The following CLHC1 variants were observed in gnomAD, a reference collection of about 807,000 sequenced individuals.
The protein encoded by CLHC1 is clathrin heavy chain linker domain containing 1, also known as clathrin heavy chain linker domain-containing protein 1.
In CLHC1, 72 loss-of-function variants were observed where a neutral mutation model predicts 69.5. The observed-to-expected ratio is 1.04, with a 90% CI of 0.86 to 1.26. The LOEUF is 1.26. CLHC1 is among the 50% of genes most tolerant of loss of function. CLHC1 has a pLI of 0.00. For missense variants in CLHC1, 790 were observed against 679.3 expected (o/e 1.16, Z -1.81); for synonymous variants, 223 against 224.3 (o/e 0.99, Z 0.05).
rs1473645501 is a variant in CLHC1 at position 55,174,676 on chromosome 2, T to C, written c.*1114A>G. ...CTCCCCGTTCATCTTCTTTCCACTA[T>C]AACATAAAAATACATATTCAATTTA... is the stretch of plus-strand genomic sequence containing the variant. On this transcript the variant is annotated 3_prime_UTR_variant, in exon 13 of 13. Coordinates refer to ENST00000401408, the MANE Select transcript of CLHC1 (RefSeq NM_152385.4). The C allele has an allele frequency of 6.6e-6, 1 of 152,226 alleles. No individual in the cohort carries two copies. The highest frequency in any genetic ancestry group is 2.4e-5 in the African/African-American group (1 of 41,464). The allele number at this position is 152,226 out of a possible 1,614,324, so 9.4% of individuals were successfully genotyped here. A position where few individuals can be genotyped will look rare whatever the true frequency, so the allele number is the denominator to read the frequency against.
At chr2:55,229,907 C>T (rs1424010974) in intron 1 of CLHC1, among the ~76,000 whole-genome samples, 1 of 152,150 alleles carries the variant, frequency 6.6e-6, no homozygotes, top group Non-Finnish European at 1.5e-5. Context: ...AACCCTGTCT[C>T]TGCTAAAAAT....
intron 5 of CLHC1, among the ~76,000 whole-genome samples, chr2:55,210,414 T>A (rs550559141): frequency 4.1e-4 from 63 of 152,136 alleles, no homozygotes; most frequent in Middle Eastern, 3.4e-3. Context: ...CAGGCTGGTC[T>A]TGAACTCCTG....
At chr2:55,201,867 A>G (rs1279196038) in intron 9 of CLHC1, among the ~76,000 whole-genome samples, 3 of 152,224 alleles carry the variant, frequency 2.0e-5, no homozygotes. Flanking sequence ...TACACAAATG[A>G]ATCAATGTAA....
chr2:55,187,997 A>C (rs1670572731), intron 9 of CLHC1, among the ~76,000 whole-genome samples: 1 of 152,178 alleles, frequency 6.6e-6, no homozygotes, highest in African/African-American at 2.4e-5. Context: ...TAAGTACTTC[A>C]CAAAATGGGA....
chr2:55,229,136 G>A (rs1187335376), intron 1 of CLHC1, among the ~76,000 whole-genome samples: 1 of 127,858 alleles, frequency 7.8e-6, no homozygotes, highest in African/African-American at 3.1e-5. Context: ...GGGCGACAGA[G>A]GGAGATTCTG....
chr2:55,199,225 A>C (rs1457526165), intron 9 of CLHC1, among the ~76,000 whole-genome samples: 3 of 134,346 alleles, frequency 2.2e-5, no homozygotes, highest in Non-Finnish European at 4.6e-5. Flanking sequence ...TGAACCCAGG[A>C]GGTGGAGGTT....
intron 9 of CLHC1, among the ~76,000 whole-genome samples, chr2:55,193,087 T>C (rs1428670106): frequency 6.6e-6 from 1 of 151,818 alleles, no homozygotes; most frequent in East Asian, 1.9e-4. Flanking sequence ...AGAGACAGGG[T>C]TTCACCACTT....
At chr2:55,183,638 A>T (rs754905977) in intron 9 of CLHC1, among the ~76,000 whole-genome samples, 3 of 152,192 alleles carry the variant, frequency 2.0e-5, no homozygotes, top group Non-Finnish European at 4.4e-5. Flanking sequence ...ACTCTCAGAT[A>T]TACTGTATTG....
intron 2 of CLHC1, chr2:55,224,149 G>C: frequency 5.2e-6 from 1 of 192,368 alleles, no homozygotes. Context: ...TGCATTTGGG[G>C]TCACCCAGCG....
chr2:55,223,845 G>C (rs188895464), intron 2 of CLHC1, among the ~76,000 whole-genome samples: 1 of 152,016 alleles, frequency 6.6e-6, no homozygotes, highest in African/African-American at 2.4e-5. Flanking sequence ...GCCCAGGCTG[G>C]AGTGCAGCGG....
At chr2:55,194,853 CTG>C (rs149131693) in intron 9 of CLHC1, among the ~76,000 whole-genome samples, 7 of 151,270 alleles carry the variant, frequency 4.6e-5, no homozygotes, top group Admixed American at 1.3e-4. Flanking sequence ...TCCATTACCT[CTG>C]TGTGTGTGTG....
intron 7 of CLHC1, 68 bp downstream of exon 7, chr2:55,209,336 A>T: frequency 1.1e-6 from 1 of 949,530 alleles, no homozygotes. Context: ...AGAAAACCCC[A>T]TTCTAACTAG....
At chr2:55,206,128 T>C in intron 9 of CLHC1, 142 bp downstream of exon 9, 1 of 587,270 alleles carries the variant, frequency 1.7e-6, no homozygotes, top group Non-Finnish European at 3.0e-6. Flanking sequence ...TCCCTAATGT[T>C]ACTGCTAAGC....
At chr2:55,222,526 T>C (rs1674235444) in intron 2 of CLHC1, 33 bp from the exon 3 acceptor site, 1 of 716,762 alleles carries the variant, frequency 1.4e-6, no homozygotes, top group Non-Finnish European at 2.2e-6. Context: ...ATTAATATAA[T>C]AATTTTTTAA....
rs374725718 is a variant in CLHC1 at position 55,194,527 on chromosome 2, G to A, written c.1006+11743C>T. Among the ~76,000 whole-genome samples the A allele has an allele frequency of 1.4e-4, 21 of 151,382 alleles. No homozygotes were observed. The South Asian group carries it at 3.6e-3, about 26-fold the overall frequency. Reference sequence around the variant, plus strand: ...CCTTTTATCACTTCTATTCAAAACTGTATTGGAGAATTTAGCCAGTACAAT... The same window carrying A: ...CCTTTTATCACTTCTATTCAAAACTATATTGGAGAATTTAGCCAGTACAAT... On this transcript the variant is annotated intron_variant, in intron 9 of 12. Coordinates refer to ENST00000401408, the MANE Select transcript of CLHC1 (RefSeq NM_152385.4).
At chr2:55,195,147 A>G (rs1327352667) in intron 9 of CLHC1, among the ~76,000 whole-genome samples, 2 of 152,132 alleles carry the variant, frequency 1.3e-5, no homozygotes, top group Non-Finnish European at 2.9e-5. Context: ...TTTATCCTAC[A>G]TAACTCAAAC....
At chr2:55,192,832 A>C (rs955162120) in intron 9 of CLHC1, among the ~76,000 whole-genome samples, 1 of 151,770 alleles carries the variant, frequency 6.6e-6, no homozygotes, top group Non-Finnish European at 1.5e-5. Flanking sequence ...CCAAAAGTAG[A>C]TCATGTATCT....
chr2:55,179,159 A>G (rs995493944), intron 11 of CLHC1, among the ~76,000 whole-genome samples: 4 of 152,158 alleles, frequency 2.6e-5, no homozygotes, highest in Admixed American at 6.5e-5. Context: ...TTACATATGG[A>G]AAAATAATAG....
intron 5 of CLHC1, among the ~76,000 whole-genome samples, chr2:55,212,260 G>GGA (rs755584512): frequency 1.4e-4 from 21 of 152,272 alleles, no homozygotes; most frequent in Middle Eastern, 3.4e-3. Flanking sequence ...CCTGGGTGAC[G>GGA]GAGAGAGACT....
Sources: gnomAD v4.1 joint callset for allele counts (sites outside exome capture counted in the v4.1 genomes callset) on GRCh38, gnomAD v4.1.1 for gene constraint, MANE v1.5 for transcripts, NCBI Gene and HGNC (gene_info 2026-07-23, HGNC 2026-07-21) for gene names.